ZNF614: variants seen among roughly 807,000 people sequenced by gnomAD.
The protein encoded by ZNF614 is zinc finger protein 614.
In ZNF614, 11 loss-of-function variants were observed where a neutral mutation model predicts 12.8. The ratio of observed to expected loss-of-function variants is 0.86; its 90% CI spans 0.54 to 1.43. The LOEUF (loss-of-function observed/expected upper bound fraction) is 1.43. ZNF614 is among the 40% of genes most tolerant of loss of function. The pLI is 0.00. For synonymous variants in ZNF614, 237 were observed against 237.5 expected (o/e 1.00, Z 0.02); for missense variants, 664 against 708.8 (o/e 0.94, Z 0.72).
rs533324261 is a variant in ZNF614 at position 52,018,724 on chromosome 19, C to T, written c.16-230G>A. The stretch of plus-strand genomic sequence containing the variant: ...TAAAACATCCCTACATTACCAATGA[C>T]TTCACAACCAATATAAGGATCTGTC... On this transcript the variant is annotated intron_variant, in intron 2 of 4. Transcript: ENST00000270649. Among the ~76,000 whole-genome samples the T allele has an allele frequency of 3.3e-5, 5 of 152,214 alleles. No individual in the cohort carries two copies. In the South Asian group the frequency reaches 1.0e-3, roughly 32 times the overall value.
chr19:52,017,359 C>T lies in ZNF614; in HGVS notation c.239G>A (p.Gly80Glu), dbSNP rs771254593. 2.1e-5 allele frequency: 33 copies of T among 1,586,322 alleles called. No homozygotes were observed. The highest frequency in any genetic ancestry group is 1.7e-4 in the Middle Eastern group (1 of 5,944). ...DAKIQNKNCPGIGKVDSHLQE... is the reference protein window; with the variant it reads ...DAKIQNKNCPEIGKVDSHLQE... ...CAGATGACTGTCAACTTTCCCGATT[C>T]CTAAGAAAGAACAGAGTAACAAATT... Residue 80 changes from glycine (G) to glutamate (E), a missense_variant and splice_region_variant, in exon 5 of 5, where the codon GGA (glycine) becomes GAA (glutamate). Physicochemically the swap from Gly to Glu is moderately conservative, Grantham distance 98 (BLOSUM62 -2). Transcript: ENST00000270649.
intron 2 of ZNF614, among the ~76,000 whole-genome samples, chr19:52,024,962 T>G (rs111399505): frequency 0.02 from 3,014 of 152,036 alleles, 99 homozygotes; most frequent in African/African-American, 0.069. Flanking sequence ...CTTTTTGCAG[T>G]TGAGATAAGA....
In ZNF614 at chr19:52,015,406, C is replaced by A. The variant is rs1385897775; in HGVS notation, c.*434G>T. 1 of 155,518 alleles carries A rather than the reference C, an allele frequency of 6.4e-6. No homozygotes were observed. 9.6% of individuals were successfully genotyped at this position (155,518 alleles called of 1,614,324 possible). ...TGAGTAAAGACTTTGTCATGGTCAT[C>A]ATGTTTCTATCAACAATAAGCTCAC... On this transcript the variant is annotated 3_prime_UTR_variant, in exon 5 of 5. Coordinates refer to ENST00000270649, the MANE Select transcript of ZNF614 (RefSeq NM_025040.4).
chr19:52,017,821 G>A, intron 4 of ZNF614, 187 bp downstream of exon 4: 1 of 481,842 alleles, frequency 2.1e-6, no homozygotes, highest in African/African-American at 2.0e-5. Context: ...ATATATCCAA[G>A]AAATCAGATC....
chr19:52,026,887 T>C (rs1787881378), intron 1 of ZNF614, among the ~76,000 whole-genome samples: 2 of 152,220 alleles, frequency 1.3e-5, no homozygotes, highest in Admixed American at 6.5e-5. Context: ...CTTAAACTTA[T>C]TTATGACACA....
At chr19:52,019,565 G>A (rs538664146) in intron 2 of ZNF614, among the ~76,000 whole-genome samples, 2 of 152,264 alleles carry the variant, frequency 1.3e-5, no homozygotes, top group African/African-American at 4.8e-5. Flanking sequence ...GAATCATCAA[G>A]AGACAAAAGA....
intron 2 of ZNF614, among the ~76,000 whole-genome samples, 163 bp from the exon 3 acceptor site, chr19:52,018,657 T>C (rs2123120964): frequency 6.6e-6 from 1 of 152,356 alleles, no homozygotes; most frequent in South Asian, 2.1e-4. Context: ...TTTTAGCGCC[T>C]ATTTCTAAAT....
chr19:52,016,714 C>G lies in ZNF614; in HGVS notation c.884G>C (p.Gly295Ala), dbSNP rs1034195630. The change falls in exon 5 of 5, where the codon GGC becomes GCC. Residue 295 changes from glycine (G) to alanine (A), a missense_variant. Gly to Ala is a moderately conservative substitution (Grantham distance 60). Transcript: ENST00000270649. ...KSYMCSECGK[G>A]FTMKRYLIAH... The stretch of plus-strand genomic sequence containing the variant: ...AATTAGATAGCGCTTCATTGTAAAG[C>G]CCTTTCCACACTCACTGCACATATA... 15 of 1,614,042 alleles carry G rather than the reference C, an allele frequency of 9.3e-6. No individual in the cohort carries two copies. Among genetic ancestry groups the G allele is most frequent in the Non-Finnish European group, 1.3e-5 (15 of 1,180,054 alleles).
In ZNF614 at chr19:52,016,989, T is replaced by C. The variant is rs1392465001; in HGVS notation, c.609A>G (p.Lys203=). 5 of 1,613,872 alleles carry C rather than the reference T, an allele frequency of 3.1e-6. No homozygotes were observed. Among genetic ancestry groups the C allele is most frequent in the Middle Eastern group, 1.7e-4 (1 of 6,060 alleles). ...FKHQRTQKIE[K]PHACIECEQT... The stretch of plus-strand genomic sequence containing the variant: ...GCTCACATTCAATGCATGCATGGGG[T>C]TTCTCAATTTTCTGAGTCCTCTGAT... Residue 203 remains lysine, a synonymous_variant, in exon 5 of 5, where the codon AAA becomes AAG. Coordinates refer to ENST00000270649, the MANE Select transcript of ZNF614 (RefSeq NM_025040.4).
In ZNF614 at chr19:52,015,426, G is replaced by A. The variant is rs766422237; in HGVS notation, c.*414C>T. ...GTCATCATGTTTCTATCAACAATAA[G>A]CTCACTTACGTTGAAATCTATGATG... On this transcript the variant is annotated 3_prime_UTR_variant, in exon 5 of 5. Transcript: ENST00000270649. 1 of 157,400 alleles carries A rather than the reference G, an allele frequency of 6.4e-6. No individual in the cohort carries two copies. The highest frequency in any genetic ancestry group is 1.4e-5 in the Non-Finnish European group (1 of 71,430). The allele number at this position is 157,400 out of a possible 1,614,324, so 9.8% of individuals were successfully genotyped here.
intron 2 of ZNF614, 67 bp from the exon 3 acceptor site, chr19:52,018,561 T>A: frequency 3.4e-6 from 5 of 1,489,070 alleles, no homozygotes; most frequent in Non-Finnish European, 4.5e-6. Context: ...TATAAGATAA[T>A]TTTTTAAAAA....
In ZNF614 at chr19:52,025,871, G is replaced by T; in HGVS notation, c.-126C>A. 2 of 1,011,216 alleles carry T rather than the reference G, an allele frequency of 2.0e-6. No individual in the cohort carries two copies. The highest frequency in any genetic ancestry group is 3.0e-6 in the Non-Finnish European group (2 of 675,688). The allele number at this position is 1,011,216 out of a possible 1,614,324, so 62.6% of individuals were successfully genotyped here. ...TAGTGTCCACTTAAAGTTGTCCCCAGAAATTATGATATCCAAGGCCAGCAA... is the reference window on the plus strand; with the variant it reads ...TAGTGTCCACTTAAAGTTGTCCCCATAAATTATGATATCCAAGGCCAGCAA... On this transcript the variant is annotated 5_prime_UTR_variant, in exon 2 of 5. In the 5' UTR this introduces an upstream ATG that the reference lacks. Transcript: ENST00000270649.
Position 52,014,189 on chromosome 19 carries a change from C to T in ZNF614, c.*1651G>A, listed in dbSNP as rs1027960115. The T allele has an allele frequency of 6.6e-6, 1 of 152,188 alleles. No individual in the cohort carries two copies. The highest frequency in any genetic ancestry group is 2.4e-5 in the African/African-American group (1 of 41,434). The allele number at this position is 152,188 out of a possible 1,614,324, so 9.4% of individuals were successfully genotyped here. ...TGGGGTGGTTGTTCTGGAGTATTTTCTGACACAAATAAATTCTCTAATTCT... is the reference window on the plus strand; with the variant it reads ...TGGGGTGGTTGTTCTGGAGTATTTTTTGACACAAATAAATTCTCTAATTCT... On this transcript the variant is annotated 3_prime_UTR_variant, in exon 5 of 5. Transcript: ENST00000270649.
In ZNF614 at chr19:52,022,865, C is replaced by T. The variant is rs7508453; in HGVS notation, c.15+2866G>A. Among the ~76,000 whole-genome samples, 4 of 151,570 alleles carry T rather than the reference C, an allele frequency of 2.6e-5. No homozygotes were observed. In the East Asian group the frequency reaches 7.9e-4, roughly 30 times the overall value. ...TGTGCCAAGCTTCCATTCCTCTCTG[C>T]GTGTGGCATCCTCCCAGCACCCTGG... On this transcript the variant is annotated intron_variant, in intron 2 of 4. Transcript: ENST00000270649.
At chr19:52,017,964 C>T (rs183075486) in intron 4 of ZNF614, 44 bp downstream of exon 4, 47 of 1,490,256 alleles carry the variant, frequency 3.2e-5, no homozygotes, top group Non-Finnish European at 4.4e-5. Context: ...TTAATGACTA[C>T]AATAAGACTC....
rs145338687 is a variant in ZNF614 at position 52,015,843 on chromosome 19, C to T, written c.1755G>A (p.Lys585=). The T allele has an allele frequency of 2.2e-5, 36 of 1,605,250 alleles. No individual in the cohort carries two copies. Among genetic ancestry groups the T allele is most frequent in the Non-Finnish European group, 2.9e-5 (34 of 1,175,738 alleles). ...TAGGGTTTTCTTCTGCATGAGTTCACTTATAAGGAAGGAGCTGTGACTCTC... is the reference window on the plus strand; with the variant it reads ...TAGGGTTTTCTTCTGCATGAGTTCATTTATAAGGAAGGAGCTGTGACTCTC... ...CNGESQLLPY[K] is the part of the protein sequence containing the mutation. The change falls in exon 5 of 5, where the codon AAG becomes AAA. Residue 585 remains lysine (K), a synonymous_variant. Coordinates refer to ENST00000270649, the MANE Select transcript of ZNF614 (RefSeq NM_025040.4).
intron 2 of ZNF614, among the ~76,000 whole-genome samples, chr19:52,023,938 A>T (rs2086951859): frequency 6.6e-6 from 1 of 152,142 alleles, no homozygotes; most frequent in Non-Finnish European, 1.5e-5. Flanking sequence ...CCTCTGTGGA[A>T]GGGAGAGGTG....
chr19:52,028,114 A>G (rs1254494231), intron 1 of ZNF614, 128 bp downstream of exon 1: 2 of 152,534 alleles, frequency 1.3e-5, no homozygotes, highest in Non-Finnish European at 2.9e-5. Flanking sequence ...CCCTACAGCC[A>G]AAGGACCCGT....
chr19:52,016,991 T>C lies in ZNF614; in HGVS notation c.607A>G (p.Lys203Glu), dbSNP rs1411756450. The C allele has an allele frequency of 6.2e-7, 1 of 1,613,914 alleles. No homozygotes were observed. The highest frequency in any genetic ancestry group is 8.5e-7 in the Non-Finnish European group (1 of 1,180,012). ...FKHQRTQKIE[K>E]PHACIECEQT... is the part of the protein sequence containing the mutation. ...TCACATTCAATGCATGCATGGGGTT[T>C]CTCAATTTTCTGAGTCCTCTGATGC... The change falls in exon 5 of 5, where the codon AAA (lysine) becomes GAA (glutamate). Residue 203 changes from lysine (K) to glutamate (E), a missense_variant. Transcript: ENST00000270649.
Sources: allele counts gnomAD v4.1 joint callset (sites outside exome capture counted in the v4.1 genomes callset), GRCh38; gene constraint gnomAD v4.1.1; transcripts MANE v1.5; gene names NCBI Gene and HGNC (gene_info 2026-07-23, HGNC 2026-07-21).